The following RNF213 variants were observed in gnomAD, a reference collection of about 807,000 sequenced individuals.
RNF213 encodes the protein ring finger protein 213.
RNF213 carries 341 observed loss-of-function variants against 514.4 expected under a neutral mutation model. The observed-to-expected ratio is 0.66, with a 90% CI of 0.61 to 0.73. RNF213 has a LOEUF of 0.73. RNF213 is among the 30% of genes least tolerant of loss of function. The pLI is 0.00. For missense variants in RNF213, 5,767 were observed against 6,615.6 expected (o/e 0.87, Z 4.45); for synonymous variants, 2,655 against 2,658.2 (o/e 1.00, Z 0.04).
intron 5 of RNF213, 29 bp from the exon 6 acceptor site, chr17:80,289,630 C>G (rs62076476): frequency 0.2 from 318,550 of 1,600,926 alleles, 34,567 homozygotes; most frequent in African/African-American, 0.41. Flanking sequence ...GGCCGGCCTT[C>G]AAGGTCAGGG....
rs990051623 is a variant in RNF213, at chr17:80,327,702, C to T, written c.3194-114C>T. 1.4e-5 allele frequency: 12 copies of T among 859,146 alleles called. No homozygotes were observed. The African/African-American group carries it at 1.7e-4, about 12-fold the overall frequency. The allele number at this position is 859,146 out of a possible 1,614,324, so 53.2% of individuals were successfully genotyped here. On this transcript the variant is annotated intron_variant, in intron 18 of 67. Transcript: ENST00000582970. ...TCTGGAGACACTGGCCAGCCATTGC[C>T]TGTGTTTGAGGAAGTGGGGGCAGAA...
Position 80,332,552 on chromosome 17 carries a change from C to G in RNF213, c.4064C>G (p.Ala1355Gly). Residue 1355 changes from alanine (A) to glycine (G), a missense_variant, in exon 21 of 68, where the codon GCA becomes GGA. This residue lies in a region of RNF213 where 516 missense variants were observed against 566.5 expected (regional missense o/e 0.91). Coordinates refer to ENST00000582970, the MANE Select transcript of RNF213 (RefSeq NM_001256071.3). ...EYHHLHQAVHAAKVILQVKES... is the reference protein window; with the variant it reads ...EYHHLHQAVHGAKVILQVKES... ...CATCACCTGCACCAGGCTGTCCACG[C>G]AGCCAAGGTCATCTTGCAGGTCAAA... 21 of 1,535,152 alleles carry G rather than the reference C, an allele frequency of 1.4e-5. No individual in the cohort carries two copies. The highest frequency in any genetic ancestry group is 2.4e-5 in the East Asian group (1 of 40,890).
chr17:80,378,795 C>G lies in RNF213; in HGVS notation c.13546-825C>G, dbSNP rs142011336. On this transcript the variant is annotated intron_variant, in intron 54 of 67. Transcript: ENST00000582970. Reference sequence around the variant, plus strand: ...GTAACTGGTTTGGTGTGTTATCAGCCGTGACTCTCAGTATATTGTGGCACA... The same window carrying G: ...GTAACTGGTTTGGTGTGTTATCAGCGGTGACTCTCAGTATATTGTGGCACA... Among the ~76,000 whole-genome samples, 356 of 152,224 alleles carry G rather than the reference C, an allele frequency of 2.3e-3. 6 individuals are homozygous for G. Among genetic ancestry groups the G allele is most frequent in the Admixed American group, 0.02 (303 of 15,290 alleles).
chr17:80,349,645 T>A (rs35993981), intron 29 of RNF213, 125 bp from the exon 30 acceptor site: 504,123 of 1,076,860 alleles, frequency 0.47, 121,354 homozygotes, highest in Non-Finnish European at 0.49. Context: ...TTGGATTCTG[T>A]GCCGTTGTGT....
intron 17 of RNF213, among the ~76,000 whole-genome samples, chr17:80,323,269 C>G (rs1182134521): frequency 6.6e-6 from 1 of 152,220 alleles, no homozygotes; most frequent in Non-Finnish European, 1.5e-5. Flanking sequence ...GTCAGTACCA[C>G]ACTGTTTGGA....
chr17:80,382,950 TA>T, intron 57 of RNF213, 28 bp from the exon 58 acceptor site: 1 of 1,427,440 alleles, frequency 7.0e-7, no homozygotes, highest in South Asian at 1.1e-5. Flanking sequence ...GTGCCTTGGG[TA>T]ACCTACACAT....
chr17:80,300,985 G>C (rs1199505298), intron 11 of RNF213, among the ~76,000 whole-genome samples: 2 of 152,060 alleles, frequency 1.3e-5, no homozygotes, highest in African/African-American at 2.4e-5. Context: ...TAATGAGGTT[G>C]CTTGTTTTTT....
intron 5 of RNF213, among the ~76,000 whole-genome samples, chr17:80,289,318 G>T (rs1216617633): frequency 6.6e-6 from 1 of 152,144 alleles, no homozygotes; most frequent in Non-Finnish European, 1.5e-5. Flanking sequence ...GGCCAGGCGC[G>T]GTAGCTCACA....
At position 80,395,222 on chromosome 17, in the gene RNF213, T is replaced by C. The variant is rs1304571578; in HGVS notation, c.*1724T>C. On this transcript the variant is annotated 3_prime_UTR_variant, in exon 68 of 68. Transcript: ENST00000582970. Reference sequence around the variant, plus strand: ...GCATTATCTTGTTTGTACAGAAATATACTGGCCTAGCAGAGGCAAAAAAAA... The same window carrying C: ...GCATTATCTTGTTTGTACAGAAATACACTGGCCTAGCAGAGGCAAAAAAAA... The C allele has an allele frequency of 6.7e-6, 1 of 149,974 alleles. No homozygotes were observed. The highest frequency in any genetic ancestry group is 2.5e-5 in the African/African-American group (1 of 40,124). 9.3% of individuals were successfully genotyped at this position (149,974 alleles called of 1,614,324 possible). A position where few individuals can be genotyped will look rare whatever the true frequency, so the allele number is the denominator to read the frequency against.
Position 80,334,167 on chromosome 17 carries a change from G to C in RNF213, c.4206G>C (p.Gln1402His), listed in dbSNP as rs754565761. The C allele has an allele frequency of 7.2e-6, 11 of 1,537,220 alleles. No individual in the cohort carries two copies. The South Asian group carries it at 1.3e-4, about 18-fold the overall frequency. Reference protein sequence around the residue: ...TLDQINQELIQAKKLLQDISE... With the variant: ...TLDQINQELIHAKKLLQDISE... ...ACCAGATCAACCAGGAGCTCATCCA[G>C]GCCAAAAAGCTGCTCCAGGACATCA... Residue 1402 changes from glutamine (Q) to histidine (H), a missense_variant, in exon 22 of 68, where the codon CAG becomes CAC. Coordinates refer to ENST00000582970, the MANE Select transcript of RNF213 (RefSeq NM_001256071.3).
chr17:80,293,048 T>C (rs868689556), intron 8 of RNF213, among the ~76,000 whole-genome samples: 13 of 152,164 alleles, frequency 8.5e-5, no homozygotes, highest in Middle Eastern at 6.3e-3. Flanking sequence ...TTTTCGTTTT[T>C]GTAAACATAT....
rs540768524 is a variant in RNF213 at position 80,394,360 on chromosome 17, T to C, written c.*862T>C. On this transcript the variant is annotated 3_prime_UTR_variant, in exon 68 of 68. Transcript: ENST00000582970. ...ATAAACATGCAGTCTCAGTGTGCTC[T>C]CGCATGTATGAATATCTAGTCCTTT... The C allele has an allele frequency of 6.6e-6, 1 of 152,246 alleles. No individual in the cohort carries two copies. Among genetic ancestry groups the C allele is most frequent in the East Asian group, 1.9e-4 (1 of 5,202 alleles). The allele number at this position is 152,246 out of a possible 1,614,324, so 9.4% of individuals were successfully genotyped here. A position where few individuals can be genotyped will look rare whatever the true frequency, so the allele number is the denominator to read the frequency against.
Position 80,377,669 on chromosome 17 carries a change from C to T in RNF213, c.13511-93C>T. 7.2e-7 allele frequency: 1 copy of T among 1,394,966 alleles called. No homozygotes were observed. The highest frequency in any genetic ancestry group is 1.2e-5 in the South Asian group (1 of 86,504). 86.4% of individuals were successfully genotyped at this position (1,394,966 alleles called of 1,614,324 possible). ...TGGACAGTCATTCTCATATTGTGGTCAGGGCCAGAGAGTAGAGAGTTAGCT... is the reference window on the plus strand; with the variant it reads ...TGGACAGTCATTCTCATATTGTGGTTAGGGCCAGAGAGTAGAGAGTTAGCT... On this transcript the variant is annotated intron_variant, in intron 53 of 67. Transcript: ENST00000582970. This position sits in a 1 kb window ranked among gnomAD's most constrained non-coding sequence, Gnocchi z 4.1.
In RNF213 at chr17:80,353,108, A is replaced by G; in HGVS notation, c.10423+49A>G. ...GGGGGAGCAGGTGGTGGAAGGGCAG[A>G]TGGCAGGTGTGGAGCGTGGCGTGCA... On this transcript the variant is annotated intron_variant, in intron 33 of 67. Coordinates refer to ENST00000582970, the MANE Select transcript of RNF213 (RefSeq NM_001256071.3). The surrounding 1 kb of genome is among the most constrained non-coding windows in gnomAD (Gnocchi z 5.0). 1 of 1,605,202 alleles carries G rather than the reference A, an allele frequency of 6.2e-7. No individual in the cohort carries two copies. Among genetic ancestry groups the G allele is most frequent in the Non-Finnish European group, 8.5e-7 (1 of 1,179,764 alleles).
At chr17:80,286,023 A>C (rs1283381802) in intron 3 of RNF213, among the ~76,000 whole-genome samples, 1 of 152,144 alleles carries the variant, frequency 6.6e-6, no homozygotes, top group Non-Finnish European at 1.5e-5. Flanking sequence ...CCCAGGCTGG[A>C]GTGCAGTGGC....
chr17:80,349,790 G>C lies in RNF213; in HGVS notation c.9972G>C (p.Leu3324=). Residue 3324 remains leucine (L), a synonymous_variant, in exon 30 of 68, where the codon CTG becomes CTC. Coordinates refer to ENST00000582970, the MANE Select transcript of RNF213 (RefSeq NM_001256071.3). ...TGTAGATCACCACTTTCTCCAGGCT[G>C]CTAACAAGTCACGACTGTGAAATTT... ...IFTEITTFSR[L]LTSHDCEILE... The C allele has an allele frequency of 1.2e-6, 2 of 1,614,168 alleles. No individual in the cohort carries two copies. Among genetic ancestry groups the C allele is most frequent in the East Asian group, 4.5e-5 (2 of 44,874 alleles).
In RNF213 at chr17:80,337,898, A is replaced by G; in HGVS notation, c.4734A>G (p.Arg1578=). The part of the protein sequence containing the change: ...PESPGSHEES[R]EYSLEEVKEL... ...GCCCTGGCAGCCACGAGGAGTCACGAGAGTACTCTTTAGAGGAGGTGAAGG... is the reference window on the plus strand; with the variant it reads ...GCCCTGGCAGCCACGAGGAGTCACGGGAGTACTCTTTAGAGGAGGTGAAGG... The change falls in exon 25 of 68, where the codon CGA becomes CGG. Residue 1578 remains arginine (R), a synonymous_variant. Coordinates refer to ENST00000582970, the MANE Select transcript of RNF213 (RefSeq NM_001256071.3). 1 of 1,537,266 alleles carries G rather than the reference A, an allele frequency of 6.5e-7. No homozygotes were observed. The highest frequency in any genetic ancestry group is 8.7e-7 in the Non-Finnish European group (1 of 1,146,890).
At chr17:80,362,967 G>C in intron 39 of RNF213, 135 bp from the exon 40 acceptor site, 1 of 873,084 alleles carries the variant, frequency 1.1e-6, no homozygotes, top group Admixed American at 2.2e-5. Flanking sequence ...CTGGACAGAA[G>C]CAAACGGGAC....
Position 80,347,027 on chromosome 17 carries a change from A to G in RNF213, c.8692A>G (p.Ile2898Val). 1 of 1,613,944 alleles carries G rather than the reference A, an allele frequency of 6.2e-7. No homozygotes were observed. The highest frequency in any genetic ancestry group is 1.3e-5 in the African/African-American group (1 of 74,996). The change falls in exon 29 of 68, where the codon ATT (isoleucine) becomes GTT (valine). Residue 2898 changes from isoleucine to valine, a missense_variant. Ile to Val is a conservative substitution (Grantham distance 29, BLOSUM62 3). Transcript: ENST00000582970. This position sits in a 1 kb window ranked among gnomAD's most constrained non-coding sequence, Gnocchi z 7.2. ...ALDPAKMNRG[I>V]FVSRGSPNET... ...TGACCCTGCCAAGATGAACCGGGGCATTTTTGTGTCACGTGGCAGCCCCAA... is the reference window on the plus strand; with the variant it reads ...TGACCCTGCCAAGATGAACCGGGGCGTTTTTGTGTCACGTGGCAGCCCCAA...
Sources: allele counts gnomAD v4.1 joint callset (sites outside exome capture counted in the v4.1 genomes callset), GRCh38; gene constraint gnomAD v4.1.1; regional missense constraint gnomAD v4.1.1; non-coding constraint Gnocchi (gnomAD v3.1); transcripts MANE v1.5; gene names NCBI Gene and HGNC (gene_info 2026-07-23, HGNC 2026-07-21).